The following SPTBN4 variants were observed in gnomAD, a reference collection of about 807,000 sequenced individuals.
SPTBN4 encodes the protein spectrin beta chain, non-erythrocytic 4.
SPTBN4 carries 96 observed loss-of-function variants against 277.8 expected under a neutral mutation model. The ratio of observed to expected loss-of-function variants is 0.35; its 90% CI spans 0.29 to 0.41. SPTBN4 has a LOEUF of 0.41. SPTBN4 is among the 10% of genes least tolerant of loss of function. The pLI is 1.00. For missense variants in SPTBN4, 3,006 were observed against 3,595.7 expected (o/e 0.84, Z 4.19); for synonymous variants, 1,481 against 1,580.3 (o/e 0.94, Z 1.49).
intron 26 of SPTBN4, among the ~76,000 whole-genome samples, chr19:40,558,947 T>TATTATTATGATGATG (rs1026792401): frequency 1.2e-4 from 18 of 146,140 alleles, no homozygotes; most frequent in African/African-American, 4.6e-4. Context: ...TTATTATTAT[T>TATTATTATGATGATG]ATGAGGCAGA....
chr19:40,497,587 G>T lies in SPTBN4; in HGVS notation c.767G>T (p.Arg256Leu). ...GCTGAGCAGCACCTGGGGCTGGCGCGGCTGCTGGATCCTGAAGGTGAGCCT... is the reference window on the plus strand; with the variant it reads ...GCTGAGCAGCACCTGGGGCTGGCGCTGCTGCTGGATCCTGAAGGTGAGCCT... ...RTAEQHLGLARLLDPEDVNME... is the reference protein window; with the variant it reads ...RTAEQHLGLALLLDPEDVNME... Residue 256 changes from arginine to leucine, a missense_variant, in exon 7 of 36, where the codon CGG becomes CTG. Arg to Leu is a moderately radical substitution (Grantham distance 102). Transcript: ENST00000598249. The T allele has an allele frequency of 6.2e-7, 1 of 1,613,812 alleles. No individual in the cohort carries two copies. The highest frequency in any genetic ancestry group is 8.5e-7 in the Non-Finnish European group (1 of 1,179,990).
In SPTBN4 at chr19:40,570,673, G is replaced by T. The variant is rs1455479836; in HGVS notation, c.7264G>T (p.Glu2422Ter). Residue 2422 changes from glutamate to a stop codon, truncating the protein, a stop_gained, in exon 33 of 36, where the codon GAG becomes TAG. Transcript: ENST00000598249. LOFTEE classifies it high-confidence loss of function. ...ACCGCCCACTCACACAGTGCAGCACGAGGGCTTCCTACTGCGCAAGCGCGA... is the reference window on the plus strand; with the variant it reads ...ACCGCCCACTCACACAGTGCAGCACTAGGGCTTCCTACTGCGCAAGCGCGA... The part of the protein sequence containing the change: ...PPPPTHTVQH[E>*]GFLLRKRELD... 6.2e-7 allele frequency: 1 copy of T among 1,604,228 alleles called. No individual in the cohort carries two copies. Among genetic ancestry groups the T allele is most frequent in the South Asian group, 1.1e-5 (1 of 89,886 alleles).
intron 4 of SPTBN4, 108 bp from the exon 5 acceptor site, chr19:40,492,855 C>T: frequency 1.1e-6 from 1 of 902,374 alleles, no homozygotes; most frequent in East Asian, 2.5e-5. Flanking sequence ...GCTGCCTCCC[C>T]CATCTCCTCT....
chr19:40,528,930 AT>A, intron 17 of SPTBN4, 110 bp from the exon 18 acceptor site: 1 of 763,256 alleles, frequency 1.3e-6, no homozygotes. Flanking sequence ...TCTCTTACAT[AT>A]TTTCCACGCC....
intron 12 of SPTBN4, among the ~76,000 whole-genome samples, chr19:40,505,414 G>T (rs1480540706): frequency 2.1e-5 from 3 of 145,764 alleles, no homozygotes. Flanking sequence ...AGAAGAAGCC[G>T]GGCACGGTGG....
intron 33 of SPTBN4, 143 bp from the exon 34 acceptor site, chr19:40,571,876 T>C (rs1398653087): frequency 5.6e-6 from 5 of 898,564 alleles, no homozygotes; most frequent in African/African-American, 1.7e-5. Context: ...AGGAAGAGCA[T>C]TTTAGGTCCA....
At chr19:40,569,936 C>CCACACACA (rs60074818) in intron 32 of SPTBN4, among the ~76,000 whole-genome samples, 8,783 of 131,382 alleles carry the variant, frequency 0.067, 352 homozygotes, top group African/African-American at 0.086. Flanking sequence ...TACTGCCCCT[C>CCACACACA]CACACACACA....
intron 32 of SPTBN4, 77 bp downstream of exon 32, chr19:40,569,803 GT>G: frequency 3.5e-6 from 5 of 1,424,592 alleles, no homozygotes; most frequent in Non-Finnish European, 4.8e-6. Context: ...GAAACAGCCA[GT>G]GCCTAGCCCT....
rs545119009 is a variant in SPTBN4, at chr19:40,503,933, C to T, written c.1466C>T (p.Ala489Val). ...TACGAGGAGCGGGTGCAGGGTGTGG[C>T]GGAGCTGGCCCAGGCATTGGCAGCC... The part of the protein sequence containing the change: ...AAYEERVQGV[A>V]ELAQALAAEG... The change falls in exon 12 of 36, where the codon GCG becomes GTG. Residue 489 changes from alanine (A) to valine (V), a missense_variant. This residue lies in a region of SPTBN4 where 1,759 missense variants were observed against 2,061.5 expected (regional missense o/e 0.85). Coordinates refer to ENST00000598249, the MANE Select transcript of SPTBN4 (RefSeq NM_020971.3). The T allele has an allele frequency of 1.6e-5, 26 of 1,613,900 alleles. No individual in the cohort carries two copies. In the East Asian group the frequency reaches 2.0e-4, roughly 12 times the overall value.
At chr19:40,493,201 A>G (rs1444258013) in intron 5 of SPTBN4, 147 bp downstream of exon 5, 1 of 642,152 alleles carries the variant, frequency 1.6e-6, no homozygotes, top group Non-Finnish European at 2.7e-6. Context: ...TAAATAAAAT[A>G]TGTCCACTTC....
At chr19:40,537,563 A>G (rs2080752766) in intron 20 of SPTBN4, among the ~76,000 whole-genome samples, 2 of 152,224 alleles carry the variant, frequency 1.3e-5, no homozygotes, top group African/African-American at 4.8e-5. Context: ...CTGCTGATGT[A>G]CACAATGTGC....
Position 40,513,022 on chromosome 19 carries a change from G to A in SPTBN4, c.2233G>A (p.Ala745Thr). ...GADTVHLVGL[A>T]ERAASARRRW... The stretch of plus-strand genomic sequence containing the variant: ...AGACACCGTGCACCTGGTAGGCCTG[G>A]CGGAGCGCGCGGCGAGCGCCCGGCG... Residue 745 changes from alanine to threonine, a missense_variant, in exon 14 of 36, where the codon GCG (alanine) becomes ACG (threonine). Ala to Thr is a moderately conservative substitution (Grantham distance 58). Transcript: ENST00000598249. The A allele has an allele frequency of 1.4e-6, 2 of 1,424,628 alleles. No homozygotes were observed. Among genetic ancestry groups the A allele is most frequent in the Non-Finnish European group, 1.8e-6 (2 of 1,096,324 alleles). 88.2% of individuals were successfully genotyped at this position (1,424,628 alleles called of 1,614,324 possible). A position where few individuals can be genotyped will look rare whatever the true frequency, so the allele number is the denominator to read the frequency against.
chr19:40,477,924 C>T (rs777198902), intron 2 of SPTBN4, among the ~76,000 whole-genome samples: 2 of 152,102 alleles, frequency 1.3e-5, no homozygotes, highest in African/African-American at 4.8e-5. Context: ...CTGCAACCTC[C>T]GCCTCCTGGG....
intron 20 of SPTBN4, among the ~76,000 whole-genome samples, chr19:40,539,026 G>A (rs1183658557): frequency 6.6e-6 from 1 of 152,176 alleles, no homozygotes; most frequent in Non-Finnish European, 1.5e-5. Context: ...TCCTGCACAG[G>A]GCAGGGTGAA....
chr19:40,536,174 C>T (rs945254832), intron 20 of SPTBN4, among the ~76,000 whole-genome samples: 1 of 151,810 alleles, frequency 6.6e-6, no homozygotes, highest in African/African-American at 2.4e-5. Flanking sequence ...CTCCGCTCCC[C>T]TCCCCTTCCC....
intron 16 of SPTBN4, among the ~76,000 whole-genome samples, chr19:40,522,111 T>C (rs1382599174): frequency 6.6e-6 from 1 of 152,010 alleles, no homozygotes; most frequent in Non-Finnish European, 1.5e-5. Context: ...ACTGCAGCCT[T>C]GATCTATGGG....
intron 2 of SPTBN4, among the ~76,000 whole-genome samples, chr19:40,479,704 T>TATATA (rs2079988506): frequency 1.0e-5 from 1 of 99,356 alleles, no homozygotes; most frequent in Non-Finnish European, 2.0e-5. Flanking sequence ...ATATATATAT[T>TATATA]TAACTTTTTA....
intron 5 of SPTBN4, among the ~76,000 whole-genome samples, chr19:40,493,786 T>C (rs561545646): frequency 2.0e-5 from 3 of 152,296 alleles, no homozygotes; most frequent in East Asian, 3.9e-4. Context: ...AATAGAACTC[T>C]TGGACTCCTC....
At chr19:40,532,560 G>T in intron 18 of SPTBN4, 65 bp from the exon 19 acceptor site, 1 of 1,556,800 alleles carries the variant, frequency 6.4e-7, no homozygotes, top group Non-Finnish European at 8.7e-7. Context: ...GGGACTTCCT[G>T]AAGGGATGGG....
Sources: gnomAD v4.1 joint callset for allele counts (sites outside exome capture counted in the v4.1 genomes callset) on GRCh38, gnomAD v4.1.1 for gene constraint, gnomAD v4.1.1 regional missense constraint, MANE v1.5 for transcripts, NCBI Gene and HGNC (gene_info 2026-07-23, HGNC 2026-07-21) for gene names.